MYO19: variants seen among roughly 807,000 people sequenced by gnomAD.
The protein encoded by MYO19 is myosin XIX.
In MYO19, 132 loss-of-function variants were observed where a neutral mutation model predicts 129.2. That is an observed-to-expected ratio of 1.02 (90% CI 0.89 to 1.18). The LOEUF (loss-of-function observed/expected upper bound fraction) is 1.18. MYO19 is among the 50% of genes most tolerant of loss of function. The pLI, the probability that MYO19 is intolerant of heterozygous loss-of-function variation, is 0.00. For missense variants in MYO19, 1,210 were observed against 1,216.7 expected (o/e 0.99, Z 0.08); for synonymous variants, 531 against 477.2 (o/e 1.11, Z -1.47).
In MYO19 at chr17:36,495,765, T is replaced by C; in HGVS notation, c.*486A>G. The C allele has an allele frequency of 8.1e-7, 1 of 1,241,346 alleles. No individual in the cohort carries two copies. The highest frequency in any genetic ancestry group is 1.0e-6 in the Non-Finnish European group (1 of 993,372). The allele number at this position is 1,241,346 out of a possible 1,614,324, so 76.9% of individuals were successfully genotyped here. ...AACGTGATTCTACTGTACATTGCAT[T>C]ATTCATAATTTAATTGTTTGAAATT... On this transcript the variant is annotated 3_prime_UTR_variant, in exon 26 of 26. Coordinates refer to ENST00000614623, the MANE Select transcript of MYO19 (RefSeq NM_001163735.2).
intron 11 of MYO19, chr17:36,512,529 A>G (rs2072429418): frequency 1.9e-6 from 2 of 1,038,716 alleles, no homozygotes; most frequent in South Asian, 3.3e-5. Flanking sequence ...GAAGACTGCC[A>G]TGCCCACCAG....
intron 6 of MYO19, among the ~76,000 whole-genome samples, chr17:36,518,372 G>A (rs1278879119): frequency 6.7e-6 from 1 of 150,352 alleles, no homozygotes. Context: ...GCATGCACCT[G>A]TAATCCCAGC....
intron 1 of MYO19, among the ~76,000 whole-genome samples, chr17:36,542,550 T>C (rs1489460232): frequency 6.6e-6 from 1 of 151,722 alleles, no homozygotes; most frequent in Non-Finnish European, 1.5e-5. Context: ...ACACAAAAAA[T>C]TAGCTGGGCG....
At position 36,503,822 on chromosome 17, in the gene MYO19, T is replaced by G. The variant is rs544614867; in HGVS notation, c.1976+128A>C. 3 of 738,136 alleles carry G rather than the reference T, an allele frequency of 4.1e-6. No individual in the cohort carries two copies. In the South Asian group the frequency reaches 7.8e-5, roughly 19 times the overall value. The allele number at this position is 738,136 out of a possible 1,614,324, so 45.7% of individuals were successfully genotyped here. A position where few individuals can be genotyped will look rare whatever the true frequency, so the allele number is the denominator to read the frequency against. The stretch of plus-strand genomic sequence containing the variant: ...TGCTGCTCCCTAGTTCCCAGCTGAC[T>G]TCTACAGACCAGCCTCTTTCTCTTC... On this transcript the variant is annotated intron_variant, in intron 20 of 25. Coordinates refer to ENST00000614623, the MANE Select transcript of MYO19 (RefSeq NM_001163735.2).
intron 6 of MYO19, among the ~76,000 whole-genome samples, chr17:36,517,458 C>T (rs1344293245): frequency 6.6e-6 from 1 of 152,100 alleles, no homozygotes; most frequent in Admixed American, 6.5e-5. Flanking sequence ...CGGGCTTTCA[C>T]CATGTTGGTC....
At position 36,497,072 on chromosome 17, in the gene MYO19, G is replaced by A. The variant is rs146791514; in HGVS notation, c.2758-666C>T. ...CAGCTGGGCACGGTGGCTCACACCT[G>A]TAATCCCAGCACTTTGGGAGGGCAA... On this transcript the variant is annotated intron_variant, in intron 25 of 25. Transcript: ENST00000614623. Among the ~76,000 whole-genome samples, 259 of 152,140 alleles carry A rather than the reference G, an allele frequency of 1.7e-3. 5 individuals are homozygous for A. In the South Asian group the frequency reaches 0.025, roughly 15 times the overall value.
chr17:36,532,930 G>C (rs1270495754), intron 2 of MYO19, among the ~76,000 whole-genome samples: 1 of 152,152 alleles, frequency 6.6e-6, no homozygotes, highest in Non-Finnish European at 1.5e-5. Flanking sequence ...AAACCCTCTG[G>C]GTCAGTGTGC....
intron 6 of MYO19, among the ~76,000 whole-genome samples, chr17:36,517,730 T>C (rs184997702): frequency 3.0e-4 from 46 of 152,332 alleles, no homozygotes; most frequent in Admixed American, 2.3e-3. Context: ...ATTCATATTT[T>C]GAAGCCCTCA....
chr17:36,526,119 A>G (rs1193583942), intron 5 of MYO19, among the ~76,000 whole-genome samples: 1 of 152,066 alleles, frequency 6.6e-6, no homozygotes. Context: ...ACTCCTCTCT[A>G]CACCTGCCCT....
rs140161978 is a variant in MYO19, at chr17:36,510,600, G to A, written c.1157+146C>T. On this transcript the variant is annotated intron_variant, in intron 13 of 25. Coordinates refer to ENST00000614623, the MANE Select transcript of MYO19 (RefSeq NM_001163735.2). ...GGGAGCTGTGCCCTGATGTGTCCAG[G>A]GGTTTGAGGAGCAGGGAGAGGAACC... The A allele has an allele frequency of 1.5e-3, 1,307 of 849,846 alleles. 3 individuals are homozygous for A. Among genetic ancestry groups the A allele is most frequent in the Non-Finnish European group, 2.0e-3 (1,093 of 560,458 alleles). 52.6% of individuals were successfully genotyped at this position (849,846 alleles called of 1,614,324 possible).
intron 6 of MYO19, among the ~76,000 whole-genome samples, chr17:36,520,129 C>G (rs993382948): frequency 6.6e-6 from 1 of 152,038 alleles, no homozygotes; most frequent in African/African-American, 2.4e-5. Context: ...CACCTACCAC[C>G]ATGCCCTGCT....
Position 36,510,836 on chromosome 17 carries a change from G to T in MYO19, c.1067C>A (p.Ala356Glu). Reference protein sequence around the residue: ...LEMVQIRTIRAGRQQQVFRKP... With the variant: ...LEMVQIRTIREGRQQQVFRKP... ...CCGGAACACCTGCTGCTGTCTGCCT[G>T]CCCTGATGGTTCTAATCTGCACCAT... is the stretch of plus-strand genomic sequence containing the variant. The change falls in exon 13 of 26, where the codon GCA (alanine) becomes GAA (glutamate). Residue 356 changes from alanine (A) to glutamate (E), a missense_variant. Physicochemically the swap from Ala to Glu is moderately radical, Grantham distance 107. Transcript: ENST00000614623. 1.3e-6 allele frequency: 2 copies of T among 1,582,150 alleles called. No individual in the cohort carries two copies. Among genetic ancestry groups the T allele is most frequent in the East Asian group, 2.3e-5 (1 of 43,026 alleles).
In MYO19 at chr17:36,510,780, G is replaced by A. The variant is rs201924055; in HGVS notation, c.1123C>T (p.Arg375Cys). 358 of 1,607,906 alleles carry A rather than the reference G, an allele frequency of 2.2e-4. No individual in the cohort carries two copies. The highest frequency in any genetic ancestry group is 1.6e-3 in the Middle Eastern group (10 of 6,076). ...ATCAGTTTGGCCAGGCAGTCTCTAC[G>A]GGTGTCACACTCGGCTCGGGCGCAG... ...KPCARAECDT[R>C]RDCLAKLIYA... The change falls in exon 13 of 26, where the codon CGT becomes TGT. Residue 375 changes from arginine (R) to cysteine (C), a missense_variant. Coordinates refer to ENST00000614623, the MANE Select transcript of MYO19 (RefSeq NM_001163735.2).
In MYO19 at chr17:36,527,614, CT is replaced by C. The variant is rs781570481; in HGVS notation, c.236del (p.Lys79SerfsTer11). The C allele has an allele frequency of 2.8e-5, 45 of 1,613,874 alleles. No homozygotes were observed. In the Admixed American group the frequency reaches 7.3e-4, roughly 26 times the overall value. Reference sequence around the variant, plus strand: ...CGGGCGAGTAGAGCTGAGGAACAGGCTTGAAGGGGTTCAAGGCTACCAGGGT... The same window carrying C: ...CGGGCGAGTAGAGCTGAGGAACAGGCTGAAGGGGTTCAAGGCTACCAGGGT... ...GCTLVALNPF[K>X]PVPQLYSPEL... On this transcript the variant is annotated frameshift_variant, in exon 5 of 26. Coordinates refer to ENST00000614623, the MANE Select transcript of MYO19 (RefSeq NM_001163735.2). LOFTEE classifies it high-confidence loss of function.
chr17:36,541,509 G>C (rs991656630), intron 2 of MYO19, among the ~76,000 whole-genome samples: 7 of 152,074 alleles, frequency 4.6e-5, no homozygotes, highest in African/African-American at 1.4e-4. Context: ...ATTTATGCCT[G>C]CATTTTGTGG....
intron 19 of MYO19, 90 bp downstream of exon 19, chr17:36,505,207 C>T (rs759907161): frequency 8.6e-7 from 1 of 1,166,004 alleles, no homozygotes; most frequent in Non-Finnish European, 1.3e-6. Context: ...CTGTGCACTC[C>T]ATTTGGAACA....
upstream of MYO19, chr17:36,537,829 T>G (rs942294536): frequency 6.2e-7 from 1 of 1,614,182 alleles, no homozygotes; most frequent in Non-Finnish European, 8.5e-7. Context: ...TTTACCATAA[T>G]AGTTGTGAAA....
rs751092283 is a variant in MYO19, at chr17:36,513,646, G to C, written c.800C>G (p.Pro267Arg). 127 of 1,613,890 alleles carry C rather than the reference G, an allele frequency of 7.9e-5. No individual in the cohort carries two copies. Among genetic ancestry groups the C allele is most frequent in the Non-Finnish European group, 9.7e-5 (114 of 1,179,894 alleles). ...EGAAFSWLPNPERSLEEDCFE... is the reference protein window; with the variant it reads ...EGAAFSWLPNRERSLEEDCFE... The stretch of plus-strand genomic sequence containing the variant: ...CCCCTTACCTTCTAAGCTCCTCTCT[G>C]GGTTGGGCAGCCAGGAGAAGGCAGC... Residue 267 changes from proline to arginine, a missense_variant, in exon 10 of 26, where the codon CCA becomes CGA. Pro to Arg is a moderately radical substitution (Grantham distance 103, BLOSUM62 -2). Transcript: ENST00000614623.
chr17:36,516,089 A>T, intron 6 of MYO19, 99 bp from the exon 7 acceptor site: 1 of 1,372,802 alleles, frequency 7.3e-7, no homozygotes, highest in Non-Finnish European at 9.6e-7. Flanking sequence ...CTTCTCCACC[A>T]GTGTGTTGCT....
Sources: allele counts gnomAD v4.1 joint callset (sites outside exome capture counted in the v4.1 genomes callset), GRCh38; gene constraint gnomAD v4.1.1; transcripts MANE v1.5; gene names NCBI Gene and HGNC (gene_info 2026-07-23, HGNC 2026-07-21).